STAU2: variants seen among roughly 807,000 people sequenced by gnomAD.
STAU2 encodes staufen double-stranded RNA binding protein 2.
Under a neutral mutation model 65.9 loss-of-function variants are expected in STAU2, and 20 were observed. The observed-to-expected ratio is 0.30, with a 90% CI of 0.21 to 0.44. The LOEUF is 0.44. Ranked by LOEUF, STAU2 falls within the 20% of genes least tolerant of loss-of-function variation. STAU2 has a pLI of 1.00. For missense variants in STAU2, 558 were observed against 683.9 expected, an observed-to-expected ratio of 0.82 and a Z score of 2.05; for synonymous variants, 232 against 233.9, an observed-to-expected ratio of 0.99 and a Z score of 0.07.
chr8:73,438,020 C>T (rs1049074931), intron 13 of STAU2, among the ~76,000 whole-genome samples: 1 of 152,212 alleles, frequency 6.6e-6, no homozygotes, highest in Non-Finnish European at 1.5e-5. Flanking sequence ...TTCCCGCTGG[C>T]TAGTCCCTCT....
At chr8:73,538,291 AT>A (rs888729783) in intron 13 of STAU2, among the ~76,000 whole-genome samples, 1 of 151,890 alleles carries the variant, frequency 6.6e-6, no homozygotes, top group Non-Finnish European at 1.5e-5. Flanking sequence ...AGTCAGTACT[AT>A]TTTTTTTACT....
chr8:73,583,436 A>G (rs552014624), intron 11 of STAU2, among the ~76,000 whole-genome samples: 10 of 152,268 alleles, frequency 6.6e-5, no homozygotes, highest in African/African-American at 2.4e-4. Flanking sequence ...GTGAGCCACT[A>G]AGCCTGGCCA....
At chr8:73,520,272 G>A (rs1822971777) in intron 13 of STAU2, among the ~76,000 whole-genome samples, 1 of 152,130 alleles carries the variant, frequency 6.6e-6, no homozygotes, top group Non-Finnish European at 1.5e-5. Context: ...AAATGTAATA[G>A]TTTTAAATCA....
chr8:73,739,655 C>A, intron 2 of STAU2, 101 bp downstream of exon 2: 5 of 993,050 alleles, frequency 5.0e-6, no homozygotes, highest in Non-Finnish European at 6.7e-6. Context: ...TATTTATTTT[C>A]TAATTACTGT....
chr8:73,486,689 T>C (rs1445273787), intron 13 of STAU2, among the ~76,000 whole-genome samples: 2 of 150,190 alleles, frequency 1.3e-5, no homozygotes, highest in Non-Finnish European at 3.0e-5. Flanking sequence ...GGTCTTGCTC[T>C]GTTACCCAGA....
intron 13 of STAU2, chr8:73,549,951 G>A: frequency 1.0e-6 from 1 of 985,788 alleles, no homozygotes. Context: ...ATACCTGAGA[G>A]GGTTACCTAT....
intron 6 of STAU2, among the ~76,000 whole-genome samples, chr8:73,628,317 C>T (rs1202577830): frequency 2.6e-5 from 4 of 151,956 alleles, no homozygotes; most frequent in African/African-American, 9.7e-5. Context: ...AGCAATCCTC[C>T]CAACTCGGGC....
At chr8:73,651,553 C>T in intron 6 of STAU2, 3 of 843,938 alleles carry the variant, frequency 3.6e-6, no homozygotes, top group Non-Finnish European at 5.8e-6. Flanking sequence ...ATGGCCTGCA[C>T]CTGCTGTGCC....
chr8:73,589,277 T>G (rs577413907), intron 11 of STAU2, among the ~76,000 whole-genome samples: 22 of 152,334 alleles, frequency 1.4e-4, no homozygotes, highest in Non-Finnish European at 2.9e-4. Context: ...ACTATTTGAC[T>G]TAGCCTCTAC....
intron 3 of STAU2, among the ~76,000 whole-genome samples, chr8:73,719,688 CCT>C (rs1821504347): frequency 6.6e-6 from 1 of 152,158 alleles, no homozygotes; most frequent in African/African-American, 2.4e-5. Flanking sequence ...GACATATTAT[CCT>C]TTTAATAAAC....
chr8:73,511,131 G>C (rs560588361), intron 13 of STAU2: 24 of 152,704 alleles, frequency 1.6e-4, no homozygotes, highest in African/African-American at 5.5e-4. Context: ...ATCCACGAAG[G>C]GAAACAACCT....
chr8:73,709,162 G>A lies in STAU2; in HGVS notation c.-17C>T, dbSNP rs1476740128. The A allele has an allele frequency of 1.3e-6, 2 of 1,508,512 alleles. No homozygotes were observed. Among genetic ancestry groups the A allele is most frequent in the East Asian group, 2.5e-5 (1 of 39,876 alleles). The allele number at this position is 1,508,512 out of a possible 1,614,324, so 93.4% of individuals were successfully genotyped here. On this transcript the variant is annotated splice_region_variant and 5_prime_UTR_variant, in exon 4 of 15. Coordinates refer to ENST00000524300, the MANE Select transcript of STAU2 (RefSeq NM_001164380.2). ...GTTTGCCATTTTATCTTGGAGAGAA[G>A]CTGTAAATAAAAAGGCTATAAAGTT...
At position 73,673,117 on chromosome 8, in the gene STAU2, A is replaced by G; in HGVS notation, c.400T>C (p.Tyr134His). ...AAAAGACATACAAACCTCTGATTGT[A>G]CATGCCCCGAAAGTTGTAATTAGCT... ...YRANYNFRGM[Y>H]NQRYHCPVPK... The change falls in exon 6 of 15, where the codon TAC (tyrosine) becomes CAC (histidine). Residue 134 changes from tyrosine (Y) to histidine (H), a missense_variant. Transcript: ENST00000524300. 2.5e-6 allele frequency: 4 copies of G among 1,583,328 alleles called. No homozygotes were observed. Among genetic ancestry groups the G allele is most frequent in the Non-Finnish European group, 2.6e-6 (3 of 1,166,840 alleles).
At position 73,486,626 on chromosome 8, in the gene STAU2, T is replaced by TAC. The variant is rs1554596360; in HGVS notation, c.1531-63926_1531-63925dup. Among the ~76,000 whole-genome samples the TAC allele has an allele frequency of 1.2e-3, 175 of 144,604 alleles. 1 individual carries two copies. Among genetic ancestry groups the TAC allele is most frequent in the African/African-American group, 4.3e-3 (171 of 39,446 alleles). The allele number at this position is 144,604 out of a possible 152,430, so 94.9% of individuals were successfully genotyped here. A position where few individuals can be genotyped will look rare whatever the true frequency, so the allele number is the denominator to read the frequency against. The stretch of plus-strand genomic sequence containing the variant: ...AAAATATCCATTATATATATATATA[T>TAC]ACACATTTATAAGTAAATATATATA... On this transcript the variant is annotated intron_variant, in intron 13 of 14. Transcript: ENST00000524300.
intron 1 of STAU2, 100 bp downstream of exon 1, chr8:73,746,683 C>A: frequency 1.4e-6 from 1 of 716,304 alleles, no homozygotes; most frequent in Non-Finnish European, 1.9e-6. Flanking sequence ...CTCCGGGTTC[C>A]CCGTGCTGCG....
rs199859315 is a variant in STAU2, at chr8:73,613,903, T to A, written c.732A>T (p.Ser244=). 1 of 1,613,632 alleles carries A rather than the reference T, an allele frequency of 6.2e-7. No individual in the cohort carries two copies. The highest frequency in any genetic ancestry group is 8.5e-7 in the Non-Finnish European group (1 of 1,179,872). ...PHMKSFVTRV[S]VGEFSAEGEG... ...CTCCTTCTGCAGAGAACTCTCCTAC[T>A]GACACTCGAGTAACAAAGCTTTTCA... The change falls in exon 9 of 15, where the codon TCA becomes TCT. Residue 244 remains serine (S), a synonymous_variant. Transcript: ENST00000524300.
intron 13 of STAU2, among the ~76,000 whole-genome samples, chr8:73,514,910 T>C (rs1822621570): frequency 1.3e-5 from 2 of 152,220 alleles, no homozygotes; most frequent in African/African-American, 2.4e-5. Flanking sequence ...TTTAGGACTT[T>C]ATTTACAAAA....
At position 73,454,310 on chromosome 8, in the gene STAU2, T is replaced by C. The variant is rs1471149095; in HGVS notation, c.1531-31608A>G. Reference sequence around the variant, plus strand: ...GACACCAACCGGACAAATTTAAAATTTGTGGAACCCTGAAGAATTACATTT... The same window carrying C: ...GACACCAACCGGACAAATTTAAAATCTGTGGAACCCTGAAGAATTACATTT... On this transcript the variant is annotated intron_variant, in intron 13 of 14. Coordinates refer to ENST00000524300, the MANE Select transcript of STAU2 (RefSeq NM_001164380.2). Among the ~76,000 whole-genome samples the C allele has an allele frequency of 2.0e-4, 30 of 152,196 alleles. 1 individual carries two copies. Among genetic ancestry groups the C allele is most frequent in the Admixed American group, 1.8e-3 (27 of 15,268 alleles).
At chr8:73,668,902 T>C (rs1225560248) in intron 6 of STAU2, 6 of 607,612 alleles carry the variant, frequency 9.9e-6, no homozygotes, top group Admixed American at 2.6e-5. Flanking sequence ...TAAAACAGCA[T>C]AGGTAATACC....
Sources: gnomAD v4.1 joint callset for allele counts (sites outside exome capture counted in the v4.1 genomes callset) on GRCh38, gnomAD v4.1.1 for gene constraint, MANE v1.5 for transcripts, NCBI Gene and HGNC (gene_info 2026-07-23, HGNC 2026-07-21) for gene names.